The following DLG2 variants were observed in gnomAD, a reference collection of about 807,000 sequenced individuals.
The protein encoded by DLG2 is disks large homolog 2.
DLG2 carries 45 observed loss-of-function variants against 132.5 expected under a neutral mutation model. That is an observed-to-expected ratio of 0.34 (90% CI 0.27 to 0.44). The LOEUF is 0.44. DLG2 is among the 20% of genes least tolerant of loss of function. The probability of loss-of-function intolerance (pLI) is 1.00; values close to 1 mark genes in which losing one functional copy is unlikely to be tolerated. For missense variants in DLG2, 1,045 were observed against 1,196.9 expected, an observed-to-expected ratio of 0.87 and a Z score of 1.87; for synonymous variants, 424 against 419.6, an observed-to-expected ratio of 1.01 and a Z score of -0.13.
intron 6 of DLG2, among the ~76,000 whole-genome samples, chr11:84,805,517 G>A (rs2075893827): frequency 6.6e-6 from 1 of 152,138 alleles, no homozygotes; most frequent in Non-Finnish European, 1.5e-5. Context: ...CATGGGAGTG[G>A]TTTCTTATGA....
chr11:84,096,480 T>C (rs542185539), intron 10 of DLG2, among the ~76,000 whole-genome samples: 2 of 152,292 alleles, frequency 1.3e-5, no homozygotes, highest in African/African-American at 4.8e-5. Flanking sequence ...AGATATCACT[T>C]TTCATTCTTA....
intron 3 of DLG2, among the ~76,000 whole-genome samples, chr11:85,338,070 A>G (rs2082248129): frequency 6.6e-6 from 1 of 152,210 alleles, no homozygotes; most frequent in African/African-American, 2.4e-5. Context: ...CAAGAAACAT[A>G]TAGCATATTC....
At chr11:84,835,973 G>T (rs1414129602) in intron 6 of DLG2, among the ~76,000 whole-genome samples, 1 of 151,664 alleles carries the variant, frequency 6.6e-6, no homozygotes, top group Admixed American at 6.6e-5. Flanking sequence ...ATAAACTGAA[G>T]AATTACAGTA....
At chr11:85,117,354 T>G (rs1170134818) in intron 5 of DLG2, among the ~76,000 whole-genome samples, 1 of 152,044 alleles carries the variant, frequency 6.6e-6, no homozygotes, top group Non-Finnish European at 1.5e-5. Context: ...GGCAAGTTGC[T>G]TTACCTCTCT....
chr11:83,840,071 A>G (rs751447857), intron 16 of DLG2, among the ~76,000 whole-genome samples: 12 of 152,168 alleles, frequency 7.9e-5, no homozygotes, highest in Non-Finnish European at 1.6e-4. Flanking sequence ...TGCTTCCCTG[A>G]GTTTGACATG....
Position 84,452,619 on chromosome 11 carries a change from G to A in DLG2, c.519+81951C>T, listed in dbSNP as rs145952206. ...AGTTTGAAGGTAGATCCAACAGATT[G>A]TATGCTACACTGAATGTAGCCTGTG... is the stretch of plus-strand genomic sequence containing the variant. On this transcript the variant is annotated intron_variant, in intron 7 of 27. Transcript: ENST00000376104. Among the ~76,000 whole-genome samples, 11 of 151,850 alleles carry A rather than the reference G, an allele frequency of 7.2e-5. No individual in the cohort carries two copies. In the East Asian group the frequency reaches 2.1e-3, roughly 29 times the overall value.
intron 6 of DLG2, among the ~76,000 whole-genome samples, chr11:84,811,236 C>G (rs1402524394): frequency 6.6e-6 from 1 of 152,132 alleles, no homozygotes; most frequent in African/African-American, 2.4e-5. Context: ...GTAGCTGATT[C>G]AACCACCAGC....
chr11:83,567,691 G>A (rs1335784478), intron 19 of DLG2, among the ~76,000 whole-genome samples: 1 of 152,146 alleles, frequency 6.6e-6, no homozygotes, highest in Admixed American at 6.6e-5. Context: ...ACCTCCTTCA[G>A]GACCTGGAGC....
rs201101207 is a variant in DLG2 at position 84,212,453 on chromosome 11, A to C, written c.573+38785T>G. ...GGCACTGGAAAGAGCCATGCAAATG[A>C]ATGGCCTCTAAGTTTCATTTGCTTA... is the stretch of plus-strand genomic sequence containing the variant. On this transcript the variant is annotated intron_variant, in intron 8 of 27. Coordinates refer to ENST00000376104, the MANE Select transcript of DLG2 (RefSeq NM_001142699.3). 3.8e-4 allele frequency among the ~76,000 whole-genome samples: 58 copies of C among 152,334 alleles called. No individual in the cohort carries two copies. The East Asian group carries it at 9.8e-3, about 26-fold the overall frequency.
intron 3 of DLG2, among the ~76,000 whole-genome samples, chr11:85,304,203 C>A (rs11825901): frequency 1.3e-5 from 2 of 152,028 alleles, no homozygotes; most frequent in Non-Finnish European, 2.9e-5. Flanking sequence ...GCAAACCAGA[C>A]AGCAGAGGTA....
At chr11:85,441,993 T>C (rs976239418) in intron 3 of DLG2, among the ~76,000 whole-genome samples, 1 of 151,736 alleles carries the variant, frequency 6.6e-6, no homozygotes, top group African/African-American at 2.4e-5. Flanking sequence ...AAACCAGCCA[T>C]GAAGAGATCC....
chr11:84,476,522 A>G (rs2099122093), intron 7 of DLG2, among the ~76,000 whole-genome samples: 1 of 152,202 alleles, frequency 6.6e-6, no homozygotes, highest in Non-Finnish European at 1.5e-5. Flanking sequence ...CATTCAACCA[A>G]TCAAACACCA....
intron 8 of DLG2, among the ~76,000 whole-genome samples, chr11:84,239,735 G>A (rs1409111829): frequency 6.6e-6 from 1 of 152,106 alleles, no homozygotes; most frequent in Non-Finnish European, 1.5e-5. Flanking sequence ...CCCGATATGT[G>A]CTAGTCTGTA....
At position 83,469,304 on chromosome 11, in the gene DLG2, T is replaced by A; in HGVS notation, c.2516A>T (p.Gln839Leu). 1 of 1,613,922 alleles carries A rather than the reference T, an allele frequency of 6.2e-7. No individual in the cohort carries two copies. The highest frequency in any genetic ancestry group is 8.5e-7 in the Non-Finnish European group (1 of 1,179,860). The stretch of plus-strand genomic sequence containing the variant: ...GTGCTCTTGGATATCTTTCTCCATT[T>A]GTTCTCTGGAAATGACAAAGTGATA... Reference protein sequence around the residue: ...RDYHFVISREQMEKDIQEHKF... With the variant: ...RDYHFVISRELMEKDIQEHKF... The change falls in exon 25 of 28, where the codon CAA (glutamine) becomes CTA (leucine). Residue 839 changes from glutamine to leucine, a missense_variant. By Grantham distance (113) the Gln-to-Leu change is moderately radical. Transcript: ENST00000376104.
chr11:85,270,620 T>G (rs1352549306), intron 4 of DLG2, among the ~76,000 whole-genome samples: 1 of 152,182 alleles, frequency 6.6e-6, no homozygotes, highest in Non-Finnish European at 1.5e-5. Context: ...AGAGACTTGT[T>G]GAATGCATTT....
chr11:83,546,950 G>C (rs533109423), intron 19 of DLG2, among the ~76,000 whole-genome samples: 3 of 152,100 alleles, frequency 2.0e-5, no homozygotes, highest in Non-Finnish European at 4.4e-5. Flanking sequence ...ATCAAGTGAT[G>C]GGGCAGGACT....
At chr11:85,408,558 C>T (rs2088999187) in intron 3 of DLG2, among the ~76,000 whole-genome samples, 1 of 128,772 alleles carries the variant, frequency 7.8e-6, no homozygotes, top group Non-Finnish European at 1.6e-5. Flanking sequence ...CCCCCCACCC[C>T]ACAGCAGTCC....
chr11:83,583,678 C>G (rs2097024136), intron 19 of DLG2, among the ~76,000 whole-genome samples: 1 of 152,174 alleles, frequency 6.6e-6, no homozygotes, highest in South Asian at 2.1e-4. Flanking sequence ...AGCCTCAGTT[C>G]TTCTTCTGGA....
At chr11:83,958,093 G>A (rs115873895) in intron 14 of DLG2, among the ~76,000 whole-genome samples, 192 of 152,328 alleles carry the variant, frequency 1.3e-3, no homozygotes, top group African/African-American at 4.5e-3. Flanking sequence ...GTTCACCATT[G>A]TGACTATGTT....
Sources: allele counts gnomAD v4.1 joint callset (sites outside exome capture counted in the v4.1 genomes callset), GRCh38; gene constraint gnomAD v4.1.1; transcripts MANE v1.5; gene names NCBI Gene and HGNC (gene_info 2026-07-23, HGNC 2026-07-21).